The following TBC1D32 variants were observed in gnomAD, a reference collection of about 807,000 sequenced individuals.
The protein encoded by TBC1D32 is protein broad-minded.
Under a neutral mutation model 170.3 loss-of-function variants are expected in TBC1D32, and 151 were observed. The ratio of observed to expected loss-of-function variants is 0.89; its 90% CI spans 0.78 to 1.01. The LOEUF (loss-of-function observed/expected upper bound fraction) is 1.01. Among genes scored for constraint, TBC1D32 ranks in the 50% least tolerant of loss-of-function variants. The pLI, the probability that TBC1D32 is intolerant of heterozygous loss-of-function variation, is 0.00. For synonymous variants in TBC1D32, 498 were observed against 488.0 expected, an observed-to-expected ratio of 1.02 and a Z score of -0.27; for missense variants, 1,464 against 1,457.1, an observed-to-expected ratio of 1.00 and a Z score of -0.08.
intron 30 of TBC1D32, among the ~76,000 whole-genome samples, chr6:121,093,621 T>C (rs1447712391): frequency 2.6e-5 from 4 of 152,186 alleles, no homozygotes; most frequent in African/African-American, 4.8e-5. Flanking sequence ...CTGTCCACCA[T>C]ATGCATTGGT....
At chr6:121,253,077 A>T (rs527319407) in intron 17 of TBC1D32, among the ~76,000 whole-genome samples, 2 of 152,206 alleles carry the variant, frequency 1.3e-5, no homozygotes, top group Non-Finnish European at 2.9e-5. Flanking sequence ...CCTCAAAAGC[A>T]ATTGCAACAA....
At chr6:121,113,890 T>G (rs996428332) in intron 27 of TBC1D32, among the ~76,000 whole-genome samples, 1 of 152,154 alleles carries the variant, frequency 6.6e-6, no homozygotes, top group Admixed American at 6.6e-5. Flanking sequence ...AAAAGTCTCT[T>G]TTTAAAGAGA....
chr6:121,320,231 G>GA (rs1274581422), intron 2 of TBC1D32, among the ~76,000 whole-genome samples: 4,709 of 131,414 alleles, frequency 0.036, 84 homozygotes, highest in Non-Finnish European at 0.046. Context: ...AAAAAACTGG[G>GA]AAAAAAAAAA....
chr6:121,316,546 G>A (rs1030695483), intron 3 of TBC1D32, among the ~76,000 whole-genome samples: 10 of 151,982 alleles, frequency 6.6e-5, no homozygotes, highest in Non-Finnish European at 1.5e-4. Context: ...TCTTTGTCAC[G>A]TCCTCCATCA....
intron 3 of TBC1D32, among the ~76,000 whole-genome samples, chr6:121,315,669 A>ATTTTTTTT (rs1808829540): frequency 6.6e-6 from 1 of 152,150 alleles, no homozygotes; most frequent in African/African-American, 2.4e-5. Context: ...ACCCCACAGC[A>ATTTTTTTT]AGAAACAACA....
At chr6:121,200,188 A>G (rs545196730) in intron 22 of TBC1D32, among the ~76,000 whole-genome samples, 1 of 151,542 alleles carries the variant, frequency 6.6e-6, no homozygotes, top group South Asian at 2.1e-4. Context: ...GGACAATATT[A>G]ACATTTTTAA....
chr6:121,135,044 G>C (rs1781892122), intron 24 of TBC1D32, among the ~76,000 whole-genome samples: 3 of 152,112 alleles, frequency 2.0e-5, no homozygotes, highest in African/African-American at 7.2e-5. Context: ...AAGTAGGCTA[G>C]CCCATGACCT....
chr6:121,239,722 C>A (rs1207536193), intron 19 of TBC1D32, among the ~76,000 whole-genome samples: 2 of 152,112 alleles, frequency 1.3e-5, no homozygotes, highest in East Asian at 3.9e-4. Flanking sequence ...TGCTTCAACC[C>A]AGTCTTTAAA....
rs1441249321 is a variant in TBC1D32 at position 121,128,124 on chromosome 6, C to T, written c.2900-1663G>A. On this transcript the variant is annotated intron_variant, in intron 25 of 31. Transcript: ENST00000398212. ...ATTGGATCAGTACATTAGAGGATTA[C>T]GGAGGAACAAATTCTATATTGCATA... Among the ~76,000 whole-genome samples the T allele has an allele frequency of 3.3e-5, 5 of 152,108 alleles. No homozygotes were observed. The East Asian group carries it at 5.8e-4, about 18-fold the overall frequency.
chr6:121,301,962 A>AT (rs1350074683), intron 9 of TBC1D32, among the ~76,000 whole-genome samples: 1 of 152,084 alleles, frequency 6.6e-6, no homozygotes, highest in East Asian at 1.9e-4. Context: ...CATTCATTAA[A>AT]TTGTGTTTTG....
At chr6:121,117,503 A>G (rs1454283171) in intron 26 of TBC1D32, among the ~76,000 whole-genome samples, 6 of 152,108 alleles carry the variant, frequency 3.9e-5, no homozygotes, top group Non-Finnish European at 8.8e-5. Flanking sequence ...TGAGTTCAAG[A>G]CCAGCCTCGC....
At chr6:121,272,296 A>G (rs1379927055) in intron 15 of TBC1D32, among the ~76,000 whole-genome samples, 2 of 152,214 alleles carry the variant, frequency 1.3e-5, no homozygotes, top group African/African-American at 4.8e-5. Flanking sequence ...ACAGCAAAAG[A>G]AACTACCATC....
At chr6:121,270,558 C>A (rs1005384559) in intron 15 of TBC1D32, among the ~76,000 whole-genome samples, 2 of 152,024 alleles carry the variant, frequency 1.3e-5, no homozygotes, top group East Asian at 3.9e-4. Flanking sequence ...AAGACTAAAC[C>A]AAGAAGAAGC....
intron 20 of TBC1D32, among the ~76,000 whole-genome samples, chr6:121,226,071 G>A (rs1795018181): frequency 6.6e-6 from 1 of 152,064 alleles, no homozygotes; most frequent in Non-Finnish European, 1.5e-5. Context: ...CCCAAGTCAA[G>A]AAGTTTTCTT....
At chr6:121,101,644 A>C (rs1249780031) in intron 30 of TBC1D32, among the ~76,000 whole-genome samples, 1 of 152,206 alleles carries the variant, frequency 6.6e-6, no homozygotes, top group Non-Finnish European at 1.5e-5. Flanking sequence ...CTGAATGGGC[A>C]AAAACTGGAA....
intron 22 of TBC1D32, among the ~76,000 whole-genome samples, chr6:121,180,786 G>C (rs1788403689): frequency 1.3e-5 from 2 of 152,092 alleles, no homozygotes; most frequent in African/African-American, 4.8e-5. Flanking sequence ...TGGACAAACT[G>C]AAGAGACAAC....
chr6:121,322,484 AT>A (rs1809871471), intron 1 of TBC1D32, among the ~76,000 whole-genome samples: 1 of 152,162 alleles, frequency 6.6e-6, no homozygotes, highest in African/African-American at 2.4e-5. Flanking sequence ...ACTCGTATAG[AT>A]TGTCTTCTAC....
chr6:121,113,457 T>C (rs886663190), intron 27 of TBC1D32, among the ~76,000 whole-genome samples: 1 of 152,166 alleles, frequency 6.6e-6, no homozygotes, highest in African/African-American at 2.4e-5. Flanking sequence ...ATCTAAAACA[T>C]GGAATGTTGA....
At chr6:121,317,309 C>T (rs766377700) in intron 3 of TBC1D32, among the ~76,000 whole-genome samples, 186 bp downstream of exon 3, 1 of 151,880 alleles carries the variant, frequency 6.6e-6, no homozygotes, top group Non-Finnish European at 1.5e-5. Flanking sequence ...AACGTAGCTA[C>T]TCACCAAATA....
Sources: gnomAD v4.1 joint callset for allele counts (sites outside exome capture counted in the v4.1 genomes callset) on GRCh38, gnomAD v4.1.1 for gene constraint, MANE v1.5 for transcripts, NCBI Gene and HGNC (gene_info 2026-07-23, HGNC 2026-07-21) for gene names.